The following ZBTB46 variants were observed in gnomAD, a reference collection of about 807,000 sequenced individuals.
The protein encoded by ZBTB46 is zinc finger and BTB domain-containing protein 46.
In ZBTB46, 8 loss-of-function variants were observed where a neutral mutation model predicts 44.1. The ratio of observed to expected loss-of-function variants is 0.18; its 90% confidence interval spans 0.11 to 0.33. The LOEUF (loss-of-function observed/expected upper bound fraction) is 0.33, where lower values mean the gene tolerates loss of function less well. Among genes scored for constraint, ZBTB46 ranks in the 10% least tolerant of loss-of-function variants. The pLI is 1.00. For missense variants in ZBTB46, 651 were observed against 847.7 expected (o/e 0.77, Z 2.88); for synonymous variants, 409 against 382.3 (o/e 1.07, Z -0.81).
At chr20:63,817,985 C>G (rs933654542) in intron 1 of ZBTB46, among the ~76,000 whole-genome samples, 2 of 152,200 alleles carry the variant, frequency 1.3e-5, no homozygotes, top group Non-Finnish European at 2.9e-5. Flanking sequence ...GCCACTCAGG[C>G]CATGGTCCCA....
intron 2 of ZBTB46, among the ~76,000 whole-genome samples, chr20:63,789,524 C>T (rs2145923203): frequency 6.6e-6 from 1 of 152,360 alleles, no homozygotes; most frequent in East Asian, 1.9e-4. Context: ...CACCCCCCGG[C>T]TCACGTCCCT....
At chr20:63,783,565 C>A (rs1056077164) in intron 2 of ZBTB46, among the ~76,000 whole-genome samples, 1 of 152,178 alleles carries the variant, frequency 6.6e-6, no homozygotes, top group Non-Finnish European at 1.5e-5. Context: ...TGCTCCCCAA[C>A]AGACTGTAAT....
At position 63,746,639 on chromosome 20, in the gene ZBTB46, C is replaced by G. The variant is rs936660139; in HGVS notation, c.*291G>C. On this transcript the variant is annotated 3_prime_UTR_variant, in exon 5 of 5. Coordinates refer to ENST00000245663, the MANE Select transcript of ZBTB46 (RefSeq NM_001369741.1). ...GCCAGGCTGGCCATCACAGGGGCCA[C>G]TCACACACCCGCACCACCTGCTGGG... 6 of 396,446 alleles carry G rather than the reference C, an allele frequency of 1.5e-5. No homozygotes were observed. The highest frequency in any genetic ancestry group is 1.3e-4 in the African/African-American group (6 of 47,940). 24.6% of individuals were successfully genotyped at this position (396,446 alleles called of 1,614,324 possible). A position where few individuals can be genotyped will look rare whatever the true frequency, so the allele number is the denominator to read the frequency against.
intron 2 of ZBTB46, among the ~76,000 whole-genome samples, chr20:63,789,568 C>CGTGTGTG (rs1555847904): frequency 6.6e-6 from 1 of 152,214 alleles, no homozygotes; most frequent in Non-Finnish European, 1.5e-5. Flanking sequence ...AGGCAGCCCC[C>CGTGTGTG]GTGTGTGGGT....
chr20:63,755,788 A>G (rs1173454209), intron 3 of ZBTB46, among the ~76,000 whole-genome samples: 1 of 152,230 alleles, frequency 6.6e-6, no homozygotes, highest in Non-Finnish European at 1.5e-5. Context: ...CTTCATTCTC[A>G]TAAACACTGG....
At chr20:63,805,933 C>T (rs994003665) in intron 1 of ZBTB46, among the ~76,000 whole-genome samples, 3 of 151,700 alleles carry the variant, frequency 2.0e-5, no homozygotes, top group Non-Finnish European at 2.9e-5. Flanking sequence ...CCACCACACC[C>T]GGATAATTTT....
intron 3 of ZBTB46, among the ~76,000 whole-genome samples, chr20:63,772,271 C>T (rs2092381390): frequency 6.6e-6 from 1 of 151,954 alleles, no homozygotes; most frequent in African/African-American, 2.4e-5. Flanking sequence ...GCTGAGATTA[C>T]AGGTGTGAAC....
chr20:63,813,002 G>A (rs1384362217), intron 1 of ZBTB46, among the ~76,000 whole-genome samples: 1 of 152,106 alleles, frequency 6.6e-6, no homozygotes, highest in Non-Finnish European at 1.5e-5. Context: ...GAAGGCTGAG[G>A]CAGCAGAATT....
rs35738769 is a variant in ZBTB46, at chr20:63,775,823, G to A, written c.1077C>T (p.Asp359=). ...LGPPLTPEKD[D]ALHQATAVAN... is the part of the protein sequence containing the mutation. Reference sequence around the variant, plus strand: ...CCACCGCGGTGGCCTGATGCAGGGCGTCGTCCTTCTCTGGGGTGAGGGGAG... The same window carrying A: ...CCACCGCGGTGGCCTGATGCAGGGCATCGTCCTTCTCTGGGGTGAGGGGAG... Residue 359 remains aspartate (D), a synonymous_variant, in exon 3 of 5, where the codon GAC becomes GAT. Transcript: ENST00000245663. 0.068 allele frequency: 109,230 copies of A among 1,613,250 alleles called. 4,178 individuals are homozygous for A. The highest frequency in any genetic ancestry group is 0.078 in the Non-Finnish European group (91,649 of 1,179,900).
intron 1 of ZBTB46, among the ~76,000 whole-genome samples, chr20:63,830,426 C>G (rs1040885114): frequency 6.7e-6 from 1 of 150,088 alleles, no homozygotes; most frequent in South Asian, 2.1e-4. Flanking sequence ...CTCCGCGCCC[C>G]GAGCCGCCCC....
At chr20:63,772,012 T>A (rs978930085) in intron 3 of ZBTB46, among the ~76,000 whole-genome samples, 2 of 151,296 alleles carry the variant, frequency 1.3e-5, no homozygotes, top group African/African-American at 4.9e-5. Context: ...TTTTTTTTTT[T>A]TTTTTCTGAC....
At chr20:63,807,075 C>T (rs1329727854) in intron 1 of ZBTB46, among the ~76,000 whole-genome samples, 7 of 152,148 alleles carry the variant, frequency 4.6e-5, no homozygotes, top group Non-Finnish European at 8.8e-5. Context: ...AGCCACCACG[C>T]CTGGCCAGGA....
chr20:63,811,202 G>A (rs1266918103), intron 1 of ZBTB46, among the ~76,000 whole-genome samples: 2 of 150,924 alleles, frequency 1.3e-5, no homozygotes, highest in African/African-American at 2.4e-5. Flanking sequence ...CAGCCCACAG[G>A]GGCGAGTCTG....
intron 1 of ZBTB46, among the ~76,000 whole-genome samples, chr20:63,792,543 G>C: frequency 6.6e-6 from 1 of 151,526 alleles, no homozygotes; most frequent in Non-Finnish European, 1.5e-5. Context: ...TTGAGACGGA[G>C]TCTCGCTCTG....
At chr20:63,799,612 T>G (rs1469105347) in intron 1 of ZBTB46, among the ~76,000 whole-genome samples, 3 of 152,184 alleles carry the variant, frequency 2.0e-5, no homozygotes, top group African/African-American at 2.4e-5. Flanking sequence ...CCTCCCAAAG[T>G]GCTGGGATTA....
chr20:63,793,819 G>C (rs987461146), intron 1 of ZBTB46, among the ~76,000 whole-genome samples: 7 of 143,192 alleles, frequency 4.9e-5, no homozygotes, highest in African/African-American at 1.9e-4. Context: ...AATCAGGGCA[G>C]CTTAAAATCA....
chr20:63,823,501 A>AAAACAAATAAAT, intron 1 of ZBTB46, among the ~76,000 whole-genome samples: 1 of 151,052 alleles, frequency 6.6e-6, no homozygotes, highest in African/African-American at 2.4e-5. Flanking sequence ...CTGTCTCAAA[A>AAAACAAATAAAT]AAATAAATAA....
intron 1 of ZBTB46, among the ~76,000 whole-genome samples, chr20:63,805,366 C>T (rs1035860026): frequency 2.0e-5 from 3 of 152,112 alleles, no homozygotes; most frequent in African/African-American, 7.2e-5. Context: ...GAGGCTGAGG[C>T]GGCAGAATCA....
At chr20:63,770,007 C>T (rs62217848) in intron 3 of ZBTB46, among the ~76,000 whole-genome samples, 1 of 152,214 alleles carries the variant, frequency 6.6e-6, no homozygotes. Flanking sequence ...CTGGGGTGAG[C>T]TTCACGGGAG....
Sources: allele counts gnomAD v4.1 joint callset (sites outside exome capture counted in the v4.1 genomes callset), GRCh38; gene constraint gnomAD v4.1.1; transcripts MANE v1.5; gene names NCBI Gene and HGNC (gene_info 2026-07-23, HGNC 2026-07-21).